CLASP1: variants seen among roughly 807,000 people sequenced by gnomAD.
CLASP1 encodes the protein CLIP-associating protein 1.
Under a neutral mutation model 192.3 loss-of-function variants are expected in CLASP1, and 38 were observed. The ratio of observed to expected loss-of-function variants is 0.20; its 90% CI spans 0.15 to 0.26. The LOEUF (loss-of-function observed/expected upper bound fraction) is 0.26. Among genes scored for constraint, CLASP1 ranks in the 10% least tolerant of loss-of-function variants. The pLI, the probability that CLASP1 is intolerant of heterozygous loss-of-function variation, is 1.00. For missense variants in CLASP1, 1,433 were observed against 1,932.5 expected (o/e 0.74, Z 4.85); for synonymous variants, 691 against 712.8 (o/e 0.97, Z 0.49).
In CLASP1 at chr2:121,545,652, G is replaced by A. The variant is rs533964754; in HGVS notation, c.196-15327C>T. Among the ~76,000 whole-genome samples the A allele has an allele frequency of 7.2e-5, 11 of 152,236 alleles. No individual in the cohort carries two copies. The East Asian group carries it at 2.1e-3, about 29-fold the overall frequency. ...TTTCCTGCAGATGAAGTCAGCTCTA[G>A]AGATCCAACTAGATTCAGATTCAGC... On this transcript the variant is annotated intron_variant, in intron 2 of 39. Coordinates refer to ENST00000263710, the Ensembl canonical transcript of CLASP1.
chr2:121,621,791 T>C (rs968307253), intron 1 of CLASP1, among the ~76,000 whole-genome samples: 1 of 152,200 alleles, frequency 6.6e-6, no homozygotes, highest in African/African-American at 2.4e-5. Flanking sequence ...CATTTCTACA[T>C]GAGTTTTAAG....
At chr2:121,531,489 G>A (rs1240600679) in intron 2 of CLASP1, among the ~76,000 whole-genome samples, 1 of 151,734 alleles carries the variant, frequency 6.6e-6, no homozygotes, top group Non-Finnish European at 1.5e-5. Context: ...CAGCTGCTCG[G>A]GAGGCTGAGG....
chr2:121,466,229 G>A (rs1431159056), intron 9 of CLASP1, among the ~76,000 whole-genome samples: 1 of 152,172 alleles, frequency 6.6e-6, no homozygotes, highest in Non-Finnish European at 1.5e-5. Context: ...TTTATGTTAT[G>A]AGAATTTAAA....
chr2:121,444,755 A>C (rs2084017553), intron 19 of CLASP1, among the ~76,000 whole-genome samples: 2 of 152,218 alleles, frequency 1.3e-5, no homozygotes. Flanking sequence ...AAAGGGAAGG[A>C]GAACTCAGGT....
chr2:121,365,618 C>T (rs562398807), intron 35 of CLASP1, among the ~76,000 whole-genome samples: 1 of 152,334 alleles, frequency 6.6e-6, no homozygotes, highest in African/African-American at 2.4e-5. Context: ...CCCTCCTCAA[C>T]CCTTTTATTT....
At chr2:121,590,100 A>C (rs1314508337) in intron 2 of CLASP1, among the ~76,000 whole-genome samples, 2 of 152,158 alleles carry the variant, frequency 1.3e-5, no homozygotes, top group Non-Finnish European at 2.9e-5. Context: ...AGCAGAAGAA[A>C]TAGTCTCCAT....
chr2:121,602,985 G>C (rs918258796), intron 2 of CLASP1: 7 of 151,974 alleles, frequency 4.6e-5, no homozygotes, highest in African/African-American at 1.7e-4. Context: ...AAAAGCTTCA[G>C]GGCAACCAAG....
exon 38 of CLASP1, chr2:121,348,663 T>C: frequency 6.2e-7 from 1 of 1,613,856 alleles, no homozygotes; most frequent in Non-Finnish European, 8.5e-7. Flanking sequence ...GATGCACTGC[T>C]CCGGGTGGAT....
chr2:121,464,416 G>A (rs1190109489), intron 9 of CLASP1, among the ~76,000 whole-genome samples: 1 of 152,044 alleles, frequency 6.6e-6, no homozygotes, highest in African/African-American at 2.4e-5. Flanking sequence ...TTGAGGAATC[G>A]CCACACTGAC....
intron 37 of CLASP1, among the ~76,000 whole-genome samples, chr2:121,352,856 G>C (rs914531143): frequency 6.6e-6 from 1 of 151,926 alleles, no homozygotes; most frequent in Non-Finnish European, 1.5e-5. Context: ...GTTTCACCAC[G>C]TTGACCAGGC....
chr2:121,533,616 G>C (rs1227162577), intron 2 of CLASP1, among the ~76,000 whole-genome samples: 1 of 152,084 alleles, frequency 6.6e-6, no homozygotes, highest in Admixed American at 6.6e-5. Context: ...TATGGAATGA[G>C]GTGTTACCTG....
At chr2:121,534,001 T>A (rs2104874481) in intron 2 of CLASP1, among the ~76,000 whole-genome samples, 1 of 152,308 alleles carries the variant, frequency 6.6e-6, no homozygotes, top group East Asian at 1.9e-4. Flanking sequence ...CCAACACTCC[T>A]GCCGAGCACA....
chr2:121,607,753 T>C (rs919413593), intron 1 of CLASP1, among the ~76,000 whole-genome samples: 4 of 152,132 alleles, frequency 2.6e-5, no homozygotes, highest in African/African-American at 9.7e-5. Flanking sequence ...GTTTTCTAAA[T>C]AAAGTAAAAT....
chr2:121,363,440 G>T, intron 36 of CLASP1, 140 bp from the exon 38 acceptor site: 2 of 936,054 alleles, frequency 2.1e-6, no homozygotes, highest in Non-Finnish European at 3.1e-6. Flanking sequence ...AGATCACACA[G>T]TTCACTTGAA....
intron 8 of CLASP1, among the ~76,000 whole-genome samples, chr2:121,494,552 T>C (rs1297183489): frequency 2.0e-5 from 3 of 152,198 alleles, no homozygotes; most frequent in African/African-American, 7.2e-5. Flanking sequence ...ACAGGATAAC[T>C]ACAGTCAATA....
At chr2:121,581,438 C>T (rs2061154622) in intron 2 of CLASP1, among the ~76,000 whole-genome samples, 1 of 151,352 alleles carries the variant, frequency 6.6e-6, no homozygotes, top group Admixed American at 6.6e-5. Flanking sequence ...CCACGCCCGG[C>T]TAATTTTTTG....
rs575741414 is a variant in CLASP1, at chr2:121,531,055, G to A, written c.196-730C>T. The A allele has an allele frequency of 3.7e-4, 256 of 696,834 alleles. 1 individual carries two copies. The highest frequency in any genetic ancestry group is 7.4e-4 in the Middle Eastern group (2 of 2,704). 43.2% of individuals were successfully genotyped at this position (696,834 alleles called of 1,614,324 possible). On this transcript the variant is annotated intron_variant, in intron 2 of 39. Transcript: ENST00000263710. The stretch of plus-strand genomic sequence containing the variant: ...TTATCAGTTCAAACAGCAGTAATTC[G>A]TAAATAAACTAGTACTTTGTGGTTA...
chr2:121,550,459 G>T (rs948284262), intron 2 of CLASP1, among the ~76,000 whole-genome samples: 1 of 151,424 alleles, frequency 6.6e-6, no homozygotes, highest in African/African-American at 2.4e-5. Flanking sequence ...AATCCGGGAG[G>T]TTTTAAAAAA....
At chr2:121,385,561 A>C (rs1574144437) in intron 32 of CLASP1, among the ~76,000 whole-genome samples, 1 of 152,354 alleles carries the variant, frequency 6.6e-6, no homozygotes, top group Non-Finnish European at 1.5e-5. Context: ...AGCTCTGATG[A>C]ATGATACTAA....
Sources: gnomAD v4.1 joint callset for allele counts (sites outside exome capture counted in the v4.1 genomes callset) on GRCh38, gnomAD v4.1.1 for gene constraint, MANE v1.5 for transcripts, NCBI Gene and HGNC (gene_info 2026-07-23, HGNC 2026-07-21) for gene names.